The following MGAT4C variants were observed in gnomAD, a reference collection of about 807,000 sequenced individuals.
MGAT4C encodes the protein MGAT4 family member C.
MGAT4C carries 19 observed loss-of-function variants against 40.1 expected under a neutral mutation model. The ratio of observed to expected loss-of-function variants is 0.47; its 90% CI spans 0.33 to 0.70. The LOEUF (loss-of-function observed/expected upper bound fraction) is 0.70. MGAT4C is among the 30% of genes least tolerant of loss of function. The pLI is 0.02. For missense variants in MGAT4C, 491 were observed against 563.2 expected (o/e 0.87, Z 1.30); for synonymous variants, 181 against 187.1 (o/e 0.97, Z 0.27).
At chr12:86,176,900 C>G (rs1050769328) in intron 1 of MGAT4C, among the ~76,000 whole-genome samples, 2 of 149,192 alleles carry the variant, frequency 1.3e-5, no homozygotes, top group African/African-American at 5.0e-5. Context: ...CATTAATTTA[C>G]TAAATTAAGG....
chr12:86,305,397 C>G (rs1191402393), intron 4 of MGAT4C, among the ~76,000 whole-genome samples: 1 of 146,348 alleles, frequency 6.8e-6, no homozygotes, highest in Non-Finnish European at 1.5e-5. Flanking sequence ...TGAGATTGCA[C>G]TATAGCACTC....
chr12:86,796,686 C>T (rs1952129370), intron 1 of MGAT4C, among the ~76,000 whole-genome samples: 1 of 151,844 alleles, frequency 6.6e-6, no homozygotes, highest in South Asian at 2.1e-4. Context: ...TACCAGTTGT[C>T]AGCACAAAAA....
chr12:86,639,999 A>T (rs905146322), intron 2 of MGAT4C, among the ~76,000 whole-genome samples: 1 of 151,606 alleles, frequency 6.6e-6, no homozygotes, highest in East Asian at 1.9e-4. Context: ...AGTTACACTT[A>T]TTTTTTCAAA....
chr12:86,704,394 A>G (rs1446195079), intron 2 of MGAT4C, among the ~76,000 whole-genome samples: 1 of 152,068 alleles, frequency 6.6e-6, no homozygotes, highest in Non-Finnish European at 1.5e-5. Context: ...TATTGGAAAG[A>G]GGTCTTTTTA....
chr12:86,448,337 G>C (rs1957372874), intron 2 of MGAT4C, among the ~76,000 whole-genome samples: 2 of 152,042 alleles, frequency 1.3e-5, no homozygotes, highest in African/African-American at 4.8e-5. Context: ...TCTTGCTTCA[G>C]AGTTAGTTTC....
intron 1 of MGAT4C, among the ~76,000 whole-genome samples, chr12:86,222,587 A>G (rs1950924038): frequency 6.6e-6 from 1 of 152,234 alleles, no homozygotes; most frequent in Admixed American, 6.5e-5. Flanking sequence ...ATAAAAAACG[A>G]ATCTCAGCTA....
At chr12:86,804,466 A>AT (rs1382990403) in intron 1 of MGAT4C, among the ~76,000 whole-genome samples, 4 of 151,552 alleles carry the variant, frequency 2.6e-5, no homozygotes, top group Admixed American at 6.6e-5. Flanking sequence ...AGAAGAAAAA[A>AT]ATATATATTT....
At chr12:86,268,930 C>T (rs1256286388) in intron 4 of MGAT4C, among the ~76,000 whole-genome samples, 7 of 141,508 alleles carry the variant, frequency 4.9e-5, no homozygotes, top group Non-Finnish European at 7.6e-5. Flanking sequence ...GGAGATATTA[C>T]AGTACCCCTT....
chr12:86,341,570 T>C (rs1954905253), intron 3 of MGAT4C, among the ~76,000 whole-genome samples: 1 of 152,176 alleles, frequency 6.6e-6, no homozygotes, highest in Non-Finnish European at 1.5e-5. Context: ...GGCTTAAAAT[T>C]ACAATCAGCT....
At chr12:86,358,944 C>T (rs996719496) in intron 3 of MGAT4C, among the ~76,000 whole-genome samples, 2 of 152,138 alleles carry the variant, frequency 1.3e-5, no homozygotes, top group African/African-American at 4.8e-5. Context: ...CAAGGATATC[C>T]AGGAATTGAA....
At chr12:86,212,684 C>G (rs372165664) in intron 1 of MGAT4C, among the ~76,000 whole-genome samples, 1 of 144,486 alleles carries the variant, frequency 6.9e-6, no homozygotes, top group Non-Finnish European at 1.5e-5. Context: ...GTCAGGAGAT[C>G]GAGACCATCC....
chr12:86,422,933 T>G (rs1956856609), intron 3 of MGAT4C, among the ~76,000 whole-genome samples: 1 of 152,182 alleles, frequency 6.6e-6, no homozygotes, highest in Admixed American at 6.5e-5. Flanking sequence ...CAGTGTCAAG[T>G]GCTGAGAGCC....
intron 1 of MGAT4C, among the ~76,000 whole-genome samples, chr12:86,813,909 C>CT (rs200248138): frequency 4.0e-5 from 6 of 151,136 alleles, no homozygotes; most frequent in East Asian, 3.9e-4. Flanking sequence ...CTTTTTCTTT[C>CT]TTTTTTTTGG....
chr12:86,436,451 G>GT (rs1273763718), intron 2 of MGAT4C, among the ~76,000 whole-genome samples: 2 of 151,352 alleles, frequency 1.3e-5, no homozygotes, highest in Non-Finnish European at 3.0e-5. Flanking sequence ...CCTACATACT[G>GT]TTTTTTTAAT....
chr12:86,758,863 C>T (rs1428373447), intron 1 of MGAT4C, among the ~76,000 whole-genome samples: 1 of 151,978 alleles, frequency 6.6e-6, no homozygotes, highest in Non-Finnish European at 1.5e-5. Context: ...TATTCATCAA[C>T]TTGAACGTTT....
intron 1 of MGAT4C, among the ~76,000 whole-genome samples, chr12:86,238,817 G>T (rs1323805074): frequency 6.6e-6 from 1 of 151,982 alleles, no homozygotes; most frequent in African/African-American, 2.4e-5. Flanking sequence ...TTTGAAGAAA[G>T]ATAAAGTATT....
chr12:85,982,798 G>T (rs1884759410), intron 4 of MGAT4C, among the ~76,000 whole-genome samples: 1 of 152,246 alleles, frequency 6.6e-6, no homozygotes, highest in South Asian at 2.1e-4. Flanking sequence ...ATCTTGAGCT[G>T]CAATAATTCT....
intron 3 of MGAT4C, among the ~76,000 whole-genome samples, chr12:86,401,237 A>C (rs2136236530): frequency 6.6e-6 from 1 of 151,562 alleles, no homozygotes; most frequent in East Asian, 1.9e-4. Context: ...ATTCCATACT[A>C]AAGTTGTAGA....
At chr12:86,473,854 C>T (rs565510705) in intron 2 of MGAT4C, among the ~76,000 whole-genome samples, 1 of 152,166 alleles carries the variant, frequency 6.6e-6, no homozygotes, top group East Asian at 1.9e-4. Context: ...GTCAAATATA[C>T]TTGAGACATG....
Sources: allele counts gnomAD v4.1 joint callset (sites outside exome capture counted in the v4.1 genomes callset), GRCh38; gene constraint gnomAD v4.1.1; transcripts MANE v1.5; gene names NCBI Gene and HGNC (gene_info 2026-07-23, HGNC 2026-07-21).